GPRIN1: variants seen among roughly 807,000 people sequenced by gnomAD.
GPRIN1 encodes the protein G protein regulated inducer of neurite outgrowth 1.
A neutral mutation model predicts 2.8 loss-of-function variants in GPRIN1; 4 were observed. The ratio of observed to expected loss-of-function variants is 1.45; its 90% CI spans 0.71 to 3.32. The LOEUF (loss-of-function observed/expected upper bound fraction) is 3.32, where lower values mean the gene tolerates loss of function less well. Ranked by LOEUF, GPRIN1 falls within the 30% of genes most tolerant of loss-of-function variation. The pLI, the probability that GPRIN1 is intolerant of heterozygous loss-of-function variation, is 0.01. For missense variants in GPRIN1, 1,322 were observed against 1,343.4 expected, an observed-to-expected ratio of 0.98 and a Z score of 0.25; for synonymous variants, 589 against 589.9, an observed-to-expected ratio of 1.00 and a Z score of 0.02.
chr5:176,599,385 T>C lies in GPRIN1; in HGVS notation c.450A>G (p.Leu150=), dbSNP rs1759110359. The change falls in exon 2 of 2, where the codon TTA becomes TTG. Residue 150 remains leucine, a synonymous_variant. Transcript: ENST00000303991. ...KSSDDRNPMF[L]EKMDFKSSKQ... ...TTGAGGACTTGAAATCCATCTTCTC[T>C]AAGAACATGGGATTTCTGTCATCTG... The C allele has an allele frequency of 6.2e-7, 1 of 1,614,240 alleles. No homozygotes were observed. Among genetic ancestry groups the C allele is most frequent in the Non-Finnish European group, 8.5e-7 (1 of 1,180,040 alleles).
Position 176,597,439 on chromosome 5 carries a change from G to C in GPRIN1, c.2396C>G (p.Ser799Trp). The C allele has an allele frequency of 1.5e-5, 20 of 1,303,964 alleles. No individual in the cohort carries two copies. The highest frequency in any genetic ancestry group is 1.9e-5 in the Non-Finnish European group (20 of 1,030,796). 80.8% of individuals were successfully genotyped at this position (1,303,964 alleles called of 1,614,324 possible). The change falls in exon 2 of 2, where the codon TCG becomes TGG. Residue 799 changes from serine to tryptophan, a missense_variant. Transcript: ENST00000303991. The surrounding 1 kb of genome is among the most constrained non-coding windows in gnomAD (Gnocchi z 6.1). ...RTRDNFTKAP[S>W]WEASAPPPPR... is the part of the protein sequence containing the mutation. ...CGGCGGCGGGGCGCTCGCCTCCCACGACGGCGCCTTGGTGAAGTTGTCGCG... is the reference window on the plus strand; with the variant it reads ...CGGCGGCGGGGCGCTCGCCTCCCACCACGGCGCCTTGGTGAAGTTGTCGCG...
chr5:176,606,378 C>G (rs1436725856), intron 1 of GPRIN1, among the ~76,000 whole-genome samples: 1 of 152,198 alleles, frequency 6.6e-6, no homozygotes, highest in Non-Finnish European at 1.5e-5. Context: ...CTCAGACAGG[C>G]TTGTTTGACC....
At chr5:176,603,366 T>G (rs1165122752) in intron 1 of GPRIN1, among the ~76,000 whole-genome samples, 1 of 152,108 alleles carries the variant, frequency 6.6e-6, no homozygotes, top group African/African-American at 2.4e-5. Flanking sequence ...TTAAAACACC[T>G]CCTCCTCTAG....
intron 1 of GPRIN1, among the ~76,000 whole-genome samples, chr5:176,600,757 T>C (rs548016616): frequency 5.3e-5 from 8 of 151,652 alleles, no homozygotes; most frequent in Non-Finnish European, 1.2e-4. Flanking sequence ...CTACTAAATA[T>C]ACAAAAAAAT....
Position 176,598,965 on chromosome 5 carries a change from A to G in GPRIN1, c.870T>C (p.Asp290=). Residue 290 remains aspartate, a synonymous_variant, in exon 2 of 2, where the codon GAT becomes GAC. Coordinates refer to ENST00000303991, the MANE Select transcript of GPRIN1 (RefSeq NM_052899.3). ...GATCTGCCTTTCCCGAGGGCCCAGG[A>G]TCTCTCTTTCCCGACAATACAAGAT... ...KVDLVLSGKR[D]PGPSGKADPM... 3 of 1,614,082 alleles carry G rather than the reference A, an allele frequency of 1.9e-6. No homozygotes were observed. The highest frequency in any genetic ancestry group is 1.7e-6 in the Non-Finnish European group (2 of 1,179,990).
At chr5:176,609,231 G>A (rs1759272310) in intron 1 of GPRIN1, among the ~76,000 whole-genome samples, 1 of 152,198 alleles carries the variant, frequency 6.6e-6, no homozygotes, top group South Asian at 2.1e-4. Context: ...CCATGAGCAG[G>A]GGTGAGCAGG....
rs114072201 is a variant in GPRIN1, at chr5:176,608,270, G to T, written c.-44+1729C>A. On this transcript the variant is annotated intron_variant, in intron 1 of 1. Coordinates refer to ENST00000303991, the MANE Select transcript of GPRIN1 (RefSeq NM_052899.3). The stretch of plus-strand genomic sequence containing the variant: ...TTCTGGTTTTTGAGGTCAGGCCAAG[G>T]TTCCTCCCAAGCAACAGTGCCAAGG... Among the ~76,000 whole-genome samples the T allele has an allele frequency of 2.1e-3, 324 of 152,200 alleles. 1 individual carries two copies. The highest frequency in any genetic ancestry group is 7.6e-3 in the African/African-American group (317 of 41,522).
intron 1 of GPRIN1, among the ~76,000 whole-genome samples, chr5:176,606,032 G>A (rs1002685722): frequency 1.3e-5 from 2 of 152,078 alleles, no homozygotes; most frequent in Admixed American, 1.3e-4. Flanking sequence ...CCCAGCCCTG[G>A]GGTCCTCACA....
At chr5:176,603,475 C>G (rs1008160899) in intron 1 of GPRIN1, among the ~76,000 whole-genome samples, 1 of 152,218 alleles carries the variant, frequency 6.6e-6, no homozygotes, top group African/African-American at 2.4e-5. Flanking sequence ...ATTTACACCT[C>G]TGGGTCCCTG....
rs986189767 is a variant in GPRIN1, at chr5:176,597,591, C to G, written c.2244G>C (p.Val748=). The part of the protein sequence containing the change: ...PEGARGSEGR[V]EPKAEPVSST... ...TGGACACGGGCTCGGCCTTCGGCTC[C>G]ACGCGGCCTTCACTGCCCCTGGCAC... is the stretch of plus-strand genomic sequence containing the variant. The change falls in exon 2 of 2, where the codon GTG becomes GTC. Residue 748 remains valine, a synonymous_variant. Coordinates refer to ENST00000303991, the MANE Select transcript of GPRIN1 (RefSeq NM_052899.3). The surrounding 1 kb of genome is among the most constrained non-coding windows in gnomAD (Gnocchi z 6.1). 6.4e-5 allele frequency: 102 copies of G among 1,596,894 alleles called. No homozygotes were observed. Among genetic ancestry groups the G allele is most frequent in the Non-Finnish European group, 8.2e-5 (97 of 1,178,068 alleles).
chr5:176,606,194 G>C (rs1168609534), intron 1 of GPRIN1, among the ~76,000 whole-genome samples: 1 of 152,180 alleles, frequency 6.6e-6, no homozygotes, highest in Non-Finnish European at 1.5e-5. Context: ...CAGGGCTATA[G>C]TGAGAATTAA....
At chr5:176,609,445 C>G (rs999773349) in intron 1 of GPRIN1, among the ~76,000 whole-genome samples, 4 of 152,164 alleles carry the variant, frequency 2.6e-5, no homozygotes, top group African/African-American at 9.7e-5. Context: ...TGCGGTAGAC[C>G]TGTGGCCTCA....
At position 176,597,816 on chromosome 5, in the gene GPRIN1, T is replaced by C; in HGVS notation, c.2019A>G (p.Gly673=). The change falls in exon 2 of 2, where the codon GGA becomes GGG. Residue 673 remains glycine, a synonymous_variant. Coordinates refer to ENST00000303991, the MANE Select transcript of GPRIN1 (RefSeq NM_052899.3). The surrounding 1 kb of genome is among the most constrained non-coding windows in gnomAD (Gnocchi z 6.1). ...TPQASEKVDP[G]SCRKAEPLAS... ...CAAGGGGCTCTGCTTTTCTGCAGGA[T>C]CCAGGATCCACCTTCTCTGAGGCCT... The C allele has an allele frequency of 3.1e-6, 5 of 1,609,850 alleles. No homozygotes were observed. The highest frequency in any genetic ancestry group is 3.4e-6 in the Non-Finnish European group (4 of 1,178,008).
At chr5:176,606,702 A>G (rs1759225197) in intron 1 of GPRIN1, among the ~76,000 whole-genome samples, 1 of 152,104 alleles carries the variant, frequency 6.6e-6, no homozygotes, top group African/African-American at 2.4e-5. Flanking sequence ...CCGGCCCTTC[A>G]TGTATGTTAC....
At position 176,597,124 on chromosome 5, in the gene GPRIN1, G is replaced by A; in HGVS notation, c.2711C>T (p.Pro904Leu). ...GSALAAAVAPPEPAEPVRDVS... is the reference protein window; with the variant it reads ...GSALAAAVAPLEPAEPVRDVS... ...GTCTCGCACGGGCTCAGCCGGCTCC[G>A]GGGGCGCTACAGCGGCCGCCAGCGC... is the stretch of plus-strand genomic sequence containing the variant. Residue 904 changes from proline (P) to leucine (L), a missense_variant, in exon 2 of 2, where the codon CCG (proline) becomes CTG (leucine). By Grantham distance (98) the Pro-to-Leu change is moderately conservative (BLOSUM62 -3). This residue lies in a region of GPRIN1 where 196 missense variants were observed against 189.2 expected (regional missense o/e 1.04). Coordinates refer to ENST00000303991, the MANE Select transcript of GPRIN1 (RefSeq NM_052899.3). The surrounding 1 kb of genome is among the most constrained non-coding windows in gnomAD (Gnocchi z 6.1). 6 of 1,469,680 alleles carry A rather than the reference G, an allele frequency of 4.1e-6. No homozygotes were observed. The South Asian group carries it at 5.4e-5, about 13-fold the overall frequency. 91.0% of individuals were successfully genotyped at this position (1,469,680 alleles called of 1,614,324 possible). A position where few individuals can be genotyped will look rare whatever the true frequency, so the allele number is the denominator to read the frequency against.
rs1759045045 is a variant in GPRIN1 at position 176,596,910 on chromosome 5, G to A, written c.2925C>T (p.Pro975=). The A allele has an allele frequency of 1.6e-6, 2 of 1,229,456 alleles. No individual in the cohort carries two copies. The highest frequency in any genetic ancestry group is 2.0e-6 in the Non-Finnish European group (2 of 985,224). 76.2% of individuals were successfully genotyped at this position (1,229,456 alleles called of 1,614,324 possible). ...GCGGACGCTTGGCGGCGCCATCTGGGGGCGCGGTGCGCACCGAGCCCGAAC... is the reference window on the plus strand; with the variant it reads ...GCGGACGCTTGGCGGCGCCATCTGGAGGCGCGGTGCGCACCGAGCCCGAAC... ...PGRSGSVRTA[P]PDGAAKRPPG... Residue 975 remains proline, a synonymous_variant, in exon 2 of 2, where the codon CCC becomes CCT. Transcript: ENST00000303991. The surrounding 1 kb of genome is among the most constrained non-coding windows in gnomAD (Gnocchi z 5.2).
rs1205325639 is a variant in GPRIN1, at chr5:176,597,571, AC to A, written c.2263del (p.Val755CysfsTer72). The A allele has an allele frequency of 6.3e-7, 1 of 1,587,798 alleles. No homozygotes were observed. The highest frequency in any genetic ancestry group is 8.5e-7 in the Non-Finnish European group (1 of 1,173,834). ...GAGACTGGAGGCCTCGGTGCTGGAC[AC>A]GGGCTCGGCCTTCGGCTCCACGCGG... ...EGRVEPKAEP[V>X]SSTEASSLGQ... On this transcript the variant is annotated frameshift_variant, in exon 2 of 2. Transcript: ENST00000303991. LOFTEE classifies it low-confidence loss of function (END_TRUNC). This position sits in a 1 kb window ranked among gnomAD's most constrained non-coding sequence, Gnocchi z 6.1.
chr5:176,609,644 C>T (rs1311674835), intron 1 of GPRIN1, among the ~76,000 whole-genome samples: 1 of 152,048 alleles, frequency 6.6e-6, no homozygotes, highest in Non-Finnish European at 1.5e-5. Flanking sequence ...GGGAAGCACC[C>T]CCTCCCGCGC....
Position 176,597,772 on chromosome 5 carries a change from G to A in GPRIN1, c.2063C>T (p.Pro688Leu). The A allele has an allele frequency of 6.2e-7, 1 of 1,605,202 alleles. No individual in the cohort carries two copies. Residue 688 changes from proline (P) to leucine (L), a missense_variant, in exon 2 of 2, where the codon CCT (proline) becomes CTT (leucine). This residue lies in a region of GPRIN1 where 1,117 missense variants were observed against 1,128.6 expected (regional missense o/e 0.99). Transcript: ENST00000303991. The surrounding 1 kb of genome is among the most constrained non-coding windows in gnomAD (Gnocchi z 6.1). ...AEPLASGKGE[P>L]VSLGKADSAP... ...AGAGTCGGCTTTCCCCAGGGACACA[G>A]GCTCTCCCTTCCCTGAGGCAAGGGG...
Sources: allele counts gnomAD v4.1 joint callset (sites outside exome capture counted in the v4.1 genomes callset), GRCh38; gene constraint gnomAD v4.1.1; regional missense constraint gnomAD v4.1.1; non-coding constraint Gnocchi (gnomAD v3.1); transcripts MANE v1.5; gene names NCBI Gene and HGNC (gene_info 2026-07-23, HGNC 2026-07-21).